The following PAWR variants were observed in gnomAD, a reference collection of about 807,000 sequenced individuals.
The protein encoded by PAWR is PRKC apoptosis WT1 regulator protein.
In PAWR, 23 loss-of-function variants were observed where a neutral mutation model predicts 32.0. That is an observed-to-expected ratio of 0.72 (90% CI 0.52 to 1.02). The LOEUF (loss-of-function observed/expected upper bound fraction) is 1.02. Among genes scored for constraint, PAWR ranks in the 50% least tolerant of loss-of-function variants. PAWR has a pLI of 0.00. For synonymous variants in PAWR, 226 were observed against 187.1 expected (o/e 1.21, Z -1.70); for missense variants, 457 against 437.7 (o/e 1.04, Z -0.39).
chr12:79,636,745 A>G (rs1037696400), intron 2 of PAWR, among the ~76,000 whole-genome samples: 4 of 152,168 alleles, frequency 2.6e-5, no homozygotes, highest in African/African-American at 9.6e-5. Flanking sequence ...AACCGTTCGT[A>G]AAATCCTTTA....
In PAWR at chr12:79,587,336, T is replaced by C. The variant is rs554154393; in HGVS notation, c.*5271A>G. 3.9e-5 allele frequency: 6 copies of C among 152,070 alleles called. No homozygotes were observed. Among genetic ancestry groups the C allele is most frequent in the Non-Finnish European group, 8.8e-5 (6 of 67,926 alleles). The allele number at this position is 152,070 out of a possible 1,614,324, so 9.4% of individuals were successfully genotyped here. A position where few individuals can be genotyped will look rare whatever the true frequency, so the allele number is the denominator to read the frequency against. On this transcript the variant is annotated 3_prime_UTR_variant, in exon 7 of 7. Coordinates refer to ENST00000328827, the MANE Select transcript of PAWR (RefSeq NM_002583.4). Reference sequence around the variant, plus strand: ...TTAGCTTGTGCCTGTGTATGAAGAATGACAAATTAAGACAAAAGGTTATGT... The same window carrying C: ...TTAGCTTGTGCCTGTGTATGAAGAACGACAAATTAAGACAAAAGGTTATGT...
At chr12:79,649,877 G>T (rs1592530424) in intron 2 of PAWR, among the ~76,000 whole-genome samples, 1 of 152,230 alleles carries the variant, frequency 6.6e-6, no homozygotes, top group East Asian at 1.9e-4. Context: ...TTTTTTCACG[G>T]ACTGGGCTGT....
At chr12:79,625,290 G>A (rs1199187605) in intron 2 of PAWR, among the ~76,000 whole-genome samples, 1 of 151,994 alleles carries the variant, frequency 6.6e-6, no homozygotes, top group African/African-American at 2.4e-5. Context: ...TCTAACACAT[G>A]CATAATTGGG....
intron 5 of PAWR, among the ~76,000 whole-genome samples, chr12:79,595,690 T>C (rs773242276): frequency 2.0e-5 from 3 of 151,828 alleles, no homozygotes; most frequent in Middle Eastern, 3.4e-3. Context: ...CTACTAAAAA[T>C]ACAAAAAAAG....
intron 2 of PAWR, among the ~76,000 whole-genome samples, chr12:79,638,187 T>C (rs959250134): frequency 6.6e-6 from 1 of 152,122 alleles, no homozygotes; most frequent in South Asian, 2.1e-4. Context: ...TTGTGTAAGA[T>C]TGGTCTCACC....
At chr12:79,660,580 G>A (rs1271507944) in intron 2 of PAWR, among the ~76,000 whole-genome samples, 1 of 146,982 alleles carries the variant, frequency 6.8e-6, no homozygotes, top group African/African-American at 2.5e-5. Context: ...ACATTTCATT[G>A]TACTTTTTTT....
chr12:79,626,858 C>T (rs561089907), intron 2 of PAWR, among the ~76,000 whole-genome samples: 14 of 151,910 alleles, frequency 9.2e-5, no homozygotes, highest in Admixed American at 2.0e-4. Context: ...TCTGTCCTTG[C>T]GATAATTTGC....
At position 79,596,194 on chromosome 12, in the gene PAWR, C is replaced by T. The variant is rs189456559; in HGVS notation, c.831+317G>A. Among the ~76,000 whole-genome samples, 19 of 152,268 alleles carry T rather than the reference C, an allele frequency of 1.2e-4. No individual in the cohort carries two copies. The East Asian group carries it at 3.5e-3, about 28-fold the overall frequency. Reference sequence around the variant, plus strand: ...ACTTGCACTGAAAGACACTTTTAAACAGGCATATTCTTAGACAAAATTGTT... The same window carrying T: ...ACTTGCACTGAAAGACACTTTTAAATAGGCATATTCTTAGACAAAATTGTT... On this transcript the variant is annotated intron_variant, in intron 5 of 6. Transcript: ENST00000328827.
rs545682224 is a variant in PAWR at position 79,689,397 on chromosome 12, ACAGCCAAGTCCAGGTGGCCAAGT to A, written c.516+309_516+331del. ...AATTTTTCTAACTGATCAAGCATAA[ACAGCCAAGTCCAGGTGGCCAAGT>A]CAGCCAAGTCCAGGTGGGCAAGTCC... On this transcript the variant is annotated intron_variant, in intron 2 of 6. Coordinates refer to ENST00000328827, the MANE Select transcript of PAWR (RefSeq NM_002583.4). Among the ~76,000 whole-genome samples the A allele has an allele frequency of 5.8e-4, 88 of 152,230 alleles. 3 individuals carry two copies. In the East Asian group the frequency reaches 8.9e-3, roughly 15 times the overall value.
intron 4 of PAWR, among the ~76,000 whole-genome samples, chr12:79,600,910 A>G (rs1873937430): frequency 6.6e-6 from 1 of 152,142 alleles, no homozygotes; most frequent in Non-Finnish European, 1.5e-5. Flanking sequence ...TTCGCAGAGT[A>G]ATCCACTGAT....
chr12:79,653,992 G>T (rs1453007994), intron 2 of PAWR, among the ~76,000 whole-genome samples: 1 of 152,166 alleles, frequency 6.6e-6, no homozygotes, highest in Non-Finnish European at 1.5e-5. Context: ...AGCCCAGTTG[G>T]AGGTACTACT....
rs1874295168 is a variant in PAWR, at chr12:79,608,468, G to A, written c.683+5107C>T. Among the ~76,000 whole-genome samples, 3 of 152,174 alleles carry A rather than the reference G, an allele frequency of 2.0e-5. No homozygotes were observed. The South Asian group carries it at 6.2e-4, about 31-fold the overall frequency. On this transcript the variant is annotated intron_variant, in intron 4 of 6. Transcript: ENST00000328827. The stretch of plus-strand genomic sequence containing the variant: ...AATGCCGTTGCTGATCTGGCAGGAA[G>A]CAAAGCTCAGGCAGTAATGCTCACT...
At position 79,621,333 on chromosome 12, in the gene PAWR, G is replaced by A. The variant is rs1167784635; in HGVS notation, c.517-126C>T. 23 of 715,890 alleles carry A rather than the reference G, an allele frequency of 3.2e-5. No individual in the cohort carries two copies. In the East Asian group the frequency reaches 6.3e-4, roughly 19 times the overall value. 44.3% of individuals were successfully genotyped at this position (715,890 alleles called of 1,614,324 possible). ...TCAGAAATTAGTTTGCATAATAAAA[G>A]TATTTTTCTTTCAGCAATATGTACA... On this transcript the variant is annotated intron_variant, in intron 2 of 6. Transcript: ENST00000328827.
chr12:79,647,026 T>G (rs1294303835), intron 2 of PAWR, among the ~76,000 whole-genome samples: 1 of 151,652 alleles, frequency 6.6e-6, no homozygotes, highest in Admixed American at 6.6e-5. Flanking sequence ...AATACAAAAA[T>G]TAGCTGGGTG....
intron 4 of PAWR, chr12:79,604,224 T>C (rs1391561405): frequency 2.6e-5 from 26 of 982,352 alleles, no homozygotes; most frequent in African/African-American, 7.0e-5. Flanking sequence ...AAATCTCTAA[T>C]ACGATCCAAA....
At chr12:79,676,149 T>C (rs1878155201) in intron 2 of PAWR, among the ~76,000 whole-genome samples, 1 of 152,080 alleles carries the variant, frequency 6.6e-6, no homozygotes, top group Non-Finnish European at 1.5e-5. Context: ...ATAATAATAA[T>C]AGCAGTGACC....
intron 2 of PAWR, among the ~76,000 whole-genome samples, chr12:79,644,664 T>C (rs534254337): frequency 2.5e-4 from 38 of 152,264 alleles, no homozygotes; most frequent in African/African-American, 8.7e-4. Flanking sequence ...TTTTATTTTG[T>C]TAGCAAAAAC....
rs1566011037 is a variant in PAWR at position 79,632,340 on chromosome 12, TATATATATATA to T, written c.517-11144_517-11134del. Among the ~76,000 whole-genome samples, 3 of 61,736 alleles carry T rather than the reference TATATATATATA, an allele frequency of 4.9e-5. 1 individual carries two copies. In the African/African-American group the frequency reaches 5.9e-4, roughly 12 times the overall value. 40.5% of individuals were successfully genotyped at this position (61,736 alleles called of 152,430 possible). ...ATATATATATATATATATATATATA[TATATATATATA>T]TATATATATATTTTTTTTTTTTTTT... On this transcript the variant is annotated intron_variant, in intron 2 of 6. Coordinates refer to ENST00000328827, the MANE Select transcript of PAWR (RefSeq NM_002583.4).
chr12:79,650,871 T>C (rs1215167324), intron 2 of PAWR, among the ~76,000 whole-genome samples: 1 of 152,208 alleles, frequency 6.6e-6, no homozygotes, highest in Non-Finnish European at 1.5e-5. Context: ...GCCATTATCC[T>C]TCAAAGGCAG....
Sources: gnomAD v4.1 joint callset for allele counts (sites outside exome capture counted in the v4.1 genomes callset) on GRCh38, gnomAD v4.1.1 for gene constraint, MANE v1.5 for transcripts, NCBI Gene and HGNC (gene_info 2026-07-23, HGNC 2026-07-21) for gene names.